Variants in RARB observed in about 807,000 individuals in gnomAD.
RARB encodes the protein retinoic acid receptor beta, also known as HBV-activated protein.
A neutral mutation model predicts 51.9 loss-of-function variants in RARB; 17 were observed. That is an observed-to-expected ratio of 0.33 (90% CI 0.22 to 0.49). The LOEUF is 0.49. Among genes scored for constraint, RARB ranks in the 20% least tolerant of loss-of-function variants. The probability of loss-of-function intolerance (pLI) is 0.99; values close to 1 mark genes in which losing one functional copy is unlikely to be tolerated. For missense variants in RARB, 369 were observed against 550.8 expected (o/e 0.67, Z 3.30); for synonymous variants, 215 against 195.4 (o/e 1.10, Z -0.84).
intron 2 of RARB, among the ~76,000 whole-genome samples, chr3:24,900,183 T>C (rs1703572155): frequency 6.6e-6 from 1 of 152,220 alleles, no homozygotes; most frequent in Non-Finnish European, 1.5e-5. Flanking sequence ...TTTGGTAGAC[T>C]CCAAGGATTG....
chr3:25,484,223 C>G (rs897435937), intron 2 of RARB, among the ~76,000 whole-genome samples: 1 of 152,080 alleles, frequency 6.6e-6, no homozygotes, highest in Non-Finnish European at 1.5e-5. Context: ...TGAGAAAGGG[C>G]GAGGAGGAAA....
intron 2 of RARB, among the ~76,000 whole-genome samples, chr3:24,909,435 C>T (rs1002171976): frequency 6.6e-5 from 10 of 152,098 alleles, no homozygotes; most frequent in African/African-American, 1.9e-4. Context: ...TTCACTGACG[C>T]GGGTGAATGC....
At chr3:25,178,553 T>C (rs1363891716) in intron 5 of RARB, among the ~76,000 whole-genome samples, 2 of 151,974 alleles carry the variant, frequency 1.3e-5, no homozygotes, top group African/African-American at 4.8e-5. Flanking sequence ...GCGCATGCCT[T>C]TCCCAGTGTT....
intron 1 of RARB, among the ~76,000 whole-genome samples, chr3:24,837,718 T>G (rs1271623788): frequency 6.6e-6 from 1 of 152,192 alleles, no homozygotes; most frequent in African/African-American, 2.4e-5. Context: ...GTACAGGCTC[T>G]AAATCACCAG....
At chr3:25,055,263 A>T (rs1489661946) in intron 2 of RARB, among the ~76,000 whole-genome samples, 1 of 152,134 alleles carries the variant, frequency 6.6e-6, no homozygotes, top group African/African-American at 2.4e-5. Flanking sequence ...TGACCTTGTG[A>T]GGTATCCTAT....
chr3:25,586,498 T>A (rs530634681), intron 5 of RARB, among the ~76,000 whole-genome samples: 1 of 152,282 alleles, frequency 6.6e-6, no homozygotes, highest in African/African-American at 2.4e-5. Context: ...CCAGCATATA[T>A]GCTGCTTTTG....
At chr3:25,370,849 A>T (rs1299753216) in intron 5 of RARB, among the ~76,000 whole-genome samples, 1 of 152,218 alleles carries the variant, frequency 6.6e-6, no homozygotes, top group African/African-American at 2.4e-5. Flanking sequence ...TAAATCCAGT[A>T]GAGTTGCACT....
chr3:25,498,122 A>T (rs758753485), intron 2 of RARB, among the ~76,000 whole-genome samples: 1 of 152,152 alleles, frequency 6.6e-6, no homozygotes, highest in Non-Finnish European at 1.5e-5. Flanking sequence ...AGTACCTTCT[A>T]ATATTGACAG....
At chr3:25,026,245 G>A (rs1231803337) in intron 2 of RARB, among the ~76,000 whole-genome samples, 1 of 152,202 alleles carries the variant, frequency 6.6e-6, no homozygotes, top group African/African-American at 2.4e-5. Context: ...TTACAGCAGT[G>A]TATTAGTCTG....
chr3:25,262,330 T>A (rs1335044618), intron 5 of RARB, among the ~76,000 whole-genome samples: 1 of 152,162 alleles, frequency 6.6e-6, no homozygotes, highest in Non-Finnish European at 1.5e-5. Context: ...CTCTCCTTTT[T>A]CACCTGCAAG....
At chr3:25,595,139 C>G (rs1389955949) in intron 7 of RARB, among the ~76,000 whole-genome samples, 2 of 152,138 alleles carry the variant, frequency 1.3e-5, no homozygotes, top group Non-Finnish European at 2.9e-5. Context: ...GGAATTCTTG[C>G]CTAAGAGGTA....
chr3:24,867,814 T>A (rs951380936), intron 2 of RARB, among the ~76,000 whole-genome samples: 17 of 152,252 alleles, frequency 1.1e-4, no homozygotes, highest in African/African-American at 3.9e-4. Flanking sequence ...GAAATTCTCT[T>A]AAGAAAAGCC....
chr3:25,097,557 G>T (rs538613999), intron 3 of RARB, among the ~76,000 whole-genome samples: 1 of 152,124 alleles, frequency 6.6e-6, no homozygotes, highest in Non-Finnish European at 1.5e-5. Context: ...AGGGAGGCTC[G>T]CTTGAGCCCA....
At chr3:25,168,294 C>T (rs531415472) in intron 4 of RARB, among the ~76,000 whole-genome samples, 153 of 152,026 alleles carry the variant, frequency 1.0e-3, no homozygotes, top group Middle Eastern at 3.4e-3. Context: ...AATTTTGGCT[C>T]GCTGCAACCT....
At chr3:25,190,653 AAC>A (rs1701079845) in intron 5 of RARB, among the ~76,000 whole-genome samples, 1 of 152,066 alleles carries the variant, frequency 6.6e-6, no homozygotes, top group Non-Finnish European at 1.5e-5. Flanking sequence ...TGTTTATGGC[AAC>A]AGTTTTCTAG....
At chr3:24,831,085 C>A (rs530494576) in intron 1 of RARB, among the ~76,000 whole-genome samples, 1 of 152,056 alleles carries the variant, frequency 6.6e-6, no homozygotes, top group Admixed American at 6.5e-5. Flanking sequence ...TCCAGAAGTA[C>A]CTTTTGACAG....
intron 2 of RARB, among the ~76,000 whole-genome samples, chr3:24,868,750 T>C (rs1702895720): frequency 6.6e-6 from 1 of 152,208 alleles, no homozygotes; most frequent in Non-Finnish European, 1.5e-5. Context: ...CAACCCGTTA[T>C]CTTAACCCAG....
At position 25,461,202 on chromosome 3, in the gene RARB, C is replaced by A; in HGVS notation, c.167C>A (p.Thr56Lys). 6.2e-7 allele frequency: 1 copy of A among 1,609,482 alleles called. No individual in the cohort carries two copies. The highest frequency in any genetic ancestry group is 8.5e-7 in the Non-Finnish European group (1 of 1,178,266). ...QHRHTAQSIE[T>K]QSTSSEELVP... ...CCCATCTCTATTATAGCAATTGAAA[C>A]ACAGAGCACCAGCTCTGAGGAACTC... Residue 56 changes from threonine to lysine, a missense_variant, in exon 2 of 8, where the codon ACA (threonine) becomes AAA (lysine). Around this residue, in one of 9 missense-constraint regions of RARB, gnomAD observed 99 missense variants for 95.1 expected, o/e 1.04. Transcript: ENST00000330688.
chr3:25,444,348 T>C (rs1708834917), intron 1 of RARB, among the ~76,000 whole-genome samples: 1 of 152,196 alleles, frequency 6.6e-6, no homozygotes, highest in African/African-American at 2.4e-5. Context: ...TGGGGAAGAT[T>C]AGAAGCCTCA....
Sources: allele counts gnomAD v4.1 joint callset (sites outside exome capture counted in the v4.1 genomes callset), GRCh38; gene constraint gnomAD v4.1.1; regional missense constraint gnomAD v4.1.1; transcripts MANE v1.5; gene names NCBI Gene and HGNC (gene_info 2026-07-23, HGNC 2026-07-21).